RGS7: variants seen among roughly 807,000 people sequenced by gnomAD.
The protein encoded by RGS7 is regulator of G-protein signaling 7.
Under a neutral mutation model 81.1 loss-of-function variants are expected in RGS7, and 27 were observed. The observed-to-expected ratio is 0.33, with a 90% CI of 0.25 to 0.46. The LOEUF (loss-of-function observed/expected upper bound fraction) is 0.46. RGS7 is among the 20% of genes least tolerant of loss of function. The probability of loss-of-function intolerance (pLI) is 1.00; values close to 1 mark genes in which losing one functional copy is unlikely to be tolerated. For missense variants in RGS7, 396 were observed against 607.4 expected (o/e 0.65, Z 3.66); for synonymous variants, 208 against 207.7 (o/e 1.00, Z -0.01).
At chr1:241,010,155 C>T (rs908517277) in intron 3 of RGS7, among the ~76,000 whole-genome samples, 3 of 152,064 alleles carry the variant, frequency 2.0e-5, no homozygotes, top group Non-Finnish European at 4.4e-5. Flanking sequence ...GCACGTTGTG[C>T]ACATGTACCC....
rs71571832 is a variant in RGS7, at chr1:241,259,650, C to CAAAAAAAAAAAAAAAAA, written c.78+96032_78+96048dup. Among the ~76,000 whole-genome samples the CAAAAAAAAAAAAAAAAA allele has an allele frequency of 4.3e-4, 17 of 39,900 alleles. 1 individual carries two copies. The highest frequency in any genetic ancestry group is 8.5e-4 in the African/African-American group (7 of 8,202). 26.2% of individuals were successfully genotyped at this position (39,900 alleles called of 152,430 possible). ...GGACAACAAGAGCGAAACTCCGTCTCAAAAAAAAAAAAAAAAAATATATAT... is the reference window on the plus strand; with the variant it reads ...GGACAACAAGAGCGAAACTCCGTCTCAAAAAAAAAAAAAAAAAAAAAAAAAAAAAAAAAAATATATAT... On this transcript the variant is annotated intron_variant, in intron 2 of 18. Coordinates refer to ENST00000440928, the MANE Select transcript of RGS7 (RefSeq NM_001364886.1).
At chr1:241,114,533 A>G (rs1189990562) in intron 2 of RGS7, among the ~76,000 whole-genome samples, 1 of 152,110 alleles carries the variant, frequency 6.6e-6, no homozygotes, top group Non-Finnish European at 1.5e-5. Context: ...TGCATTCCCA[A>G]GAAGAATCTG....
intron 3 of RGS7, among the ~76,000 whole-genome samples, chr1:240,984,631 G>C (rs948517616): frequency 6.6e-6 from 1 of 152,130 alleles, no homozygotes; most frequent in Middle Eastern, 3.2e-3. Flanking sequence ...TGAATTGTTT[G>C]CATACATAGT....
In RGS7 at chr1:241,144,926, G is replaced by GGTGTGT. The variant is rs58610723; in HGVS notation, c.79-46170_79-46165dup. Among the ~76,000 whole-genome samples, 1,366 of 141,948 alleles carry GGTGTGT rather than the reference G, an allele frequency of 9.6e-3. 12 individuals are homozygous for GGTGTGT. The highest frequency in any genetic ancestry group is 0.025 in the African/African-American group (938 of 37,404). The allele number at this position is 141,948 out of a possible 152,430, so 93.1% of individuals were successfully genotyped here. A position where few individuals can be genotyped will look rare whatever the true frequency, so the allele number is the denominator to read the frequency against. ...TCAGTATGTGTTGGCAGGGCAGGAT[G>GGTGTGT]GTGTGTGTGTGTGTGTGTGTGTGTG... is the stretch of plus-strand genomic sequence containing the variant. On this transcript the variant is annotated intron_variant, in intron 2 of 18. Coordinates refer to ENST00000440928, the MANE Select transcript of RGS7 (RefSeq NM_001364886.1). This position sits in a 1 kb window ranked among gnomAD's most constrained non-coding sequence, Gnocchi z 4.7.
chr1:241,197,025 G>A (rs2073131915), intron 2 of RGS7, among the ~76,000 whole-genome samples: 1 of 148,340 alleles, frequency 6.7e-6, no homozygotes, highest in African/African-American at 2.5e-5. Flanking sequence ...TAAGGAATAT[G>A]CTGGGTTAAT....
chr1:241,079,481 GA>G (rs1472424256), intron 3 of RGS7, among the ~76,000 whole-genome samples: 6 of 152,186 alleles, frequency 3.9e-5, no homozygotes, highest in African/African-American at 1.4e-4. Flanking sequence ...GAAAATGCAA[GA>G]AAAGGAATGA....
rs140706567 is a variant in RGS7 at position 241,352,299 on chromosome 1, G to T, written c.78+3400C>A. Among the ~76,000 whole-genome samples, 3 of 152,288 alleles carry T rather than the reference G, an allele frequency of 2.0e-5. No individual in the cohort carries two copies. In the South Asian group the frequency reaches 6.2e-4, roughly 32 times the overall value. On this transcript the variant is annotated intron_variant, in intron 2 of 18. Transcript: ENST00000440928. ...TTCCTAAGGCAGTTGATTACTACTA[G>T]TTCTAATCTAGTTAGGGGCCTGACT...
At chr1:241,049,132 G>C (rs2061111286) in intron 3 of RGS7, among the ~76,000 whole-genome samples, 1 of 152,124 alleles carries the variant, frequency 6.6e-6, no homozygotes, top group Non-Finnish European at 1.5e-5. Flanking sequence ...TCCAAGCAAG[G>C]CCACACTCAC....
intron 2 of RGS7, among the ~76,000 whole-genome samples, chr1:241,123,172 T>C (rs2066407789): frequency 6.6e-6 from 1 of 152,154 alleles, no homozygotes; most frequent in Non-Finnish European, 1.5e-5. Context: ...AGACCCCAGG[T>C]CCTTAGCCTC....
At chr1:240,904,332 T>G (rs548276215) in intron 6 of RGS7, among the ~76,000 whole-genome samples, 8 of 152,344 alleles carry the variant, frequency 5.3e-5, no homozygotes, top group African/African-American at 1.7e-4. Flanking sequence ...AAGTGCACTC[T>G]GCTGCATTTT....
At chr1:241,241,201 A>T (rs1263603162) in intron 2 of RGS7, among the ~76,000 whole-genome samples, 2 of 152,104 alleles carry the variant, frequency 1.3e-5, no homozygotes, top group African/African-American at 4.8e-5. Context: ...GAATGTTTCC[A>T]TTTGACAATT....
intron 2 of RGS7, among the ~76,000 whole-genome samples, chr1:241,156,308 G>T (rs1242886486): frequency 6.6e-5 from 10 of 151,800 alleles, no homozygotes. Flanking sequence ...AAGACCACCT[G>T]GGCAACAAAG....
At chr1:241,043,431 T>A (rs2060729512) in intron 3 of RGS7, among the ~76,000 whole-genome samples, 1 of 151,252 alleles carries the variant, frequency 6.6e-6, no homozygotes. Flanking sequence ...ATTTGCATTT[T>A]TCGTTGTTGT....
In RGS7 at chr1:240,788,537, T is replaced by C. The variant is rs79290485; in HGVS notation, c.*6+12104A>G. 8.1e-3 allele frequency among the ~76,000 whole-genome samples: 1,241 copies of C among 152,298 alleles called. 14 individuals carry two copies. Among genetic ancestry groups the C allele is most frequent in the African/African-American group, 0.029 (1,201 of 41,560 alleles). On this transcript the variant is annotated intron_variant, in intron 18 of 18. Transcript: ENST00000440928. ...CATGAAAACACTTGAATTGGATCCA[T>C]CAGAAAATGACTTACGTAGACTTTC...
At chr1:241,136,246 GCTC>G (rs1378987605) in intron 2 of RGS7, among the ~76,000 whole-genome samples, 12 of 152,168 alleles carry the variant, frequency 7.9e-5, no homozygotes, top group Admixed American at 7.9e-4. Flanking sequence ...ACTGTGCTAA[GCTC>G]CTCATTACTT....
chr1:241,089,031 CT>C (rs1386671814), intron 3 of RGS7, among the ~76,000 whole-genome samples: 10 of 41,218 alleles, frequency 2.4e-4, no homozygotes, highest in Admixed American at 5.0e-4. Context: ...ATCTCTCTCT[CT>C]CTCTCTCTCT....
intron 3 of RGS7, among the ~76,000 whole-genome samples, chr1:240,984,531 T>C (rs924280551): frequency 2.6e-5 from 4 of 152,238 alleles, no homozygotes; most frequent in Admixed American, 2.6e-4. Context: ...ATGGGAGATT[T>C]AGCAACTGAT....
chr1:241,242,116 CCT>C (rs986361009), intron 2 of RGS7, among the ~76,000 whole-genome samples: 25 of 152,126 alleles, frequency 1.6e-4, no homozygotes, highest in African/African-American at 5.5e-4. Flanking sequence ...CACCCTTTCC[CCT>C]GAGTCCCCAA....
At chr1:241,153,874 G>A (rs998959061) in intron 2 of RGS7, among the ~76,000 whole-genome samples, 1 of 152,332 alleles carries the variant, frequency 6.6e-6, no homozygotes, top group Admixed American at 6.5e-5. Flanking sequence ...GGGTTTGAAC[G>A]TGAGGAGGAT....
Sources: gnomAD v4.1 joint callset for allele counts (sites outside exome capture counted in the v4.1 genomes callset) on GRCh38, gnomAD v4.1.1 for gene constraint, Gnocchi (gnomAD v3.1) non-coding constraint, MANE v1.5 for transcripts, NCBI Gene and HGNC (gene_info 2026-07-23, HGNC 2026-07-21) for gene names.